CNOT10: variants seen among roughly 807,000 people sequenced by gnomAD.
The protein encoded by CNOT10 is CCR4-NOT transcription complex subunit 10.
Under a neutral mutation model 94.6 loss-of-function variants are expected in CNOT10, and 30 were observed. The observed-to-expected ratio is 0.32, with a 90% CI of 0.24 to 0.43. The LOEUF (loss-of-function observed/expected upper bound fraction) is 0.43, where lower values mean the gene tolerates loss of function less well. Among genes scored for constraint, CNOT10 ranks in the 20% least tolerant of loss-of-function variants. CNOT10 has a pLI of 1.00. For missense variants in CNOT10, 759 were observed against 877.2 expected (o/e 0.87, Z 1.70); for synonymous variants, 289 against 301.6 (o/e 0.96, Z 0.43).
At chr3:32,696,651 T>G (rs1352323044) in intron 1 of CNOT10, among the ~76,000 whole-genome samples, 1 of 152,076 alleles carries the variant, frequency 6.6e-6, no homozygotes, top group Non-Finnish European at 1.5e-5. Context: ...CAAGCTGGAG[T>G]GCAGTGGCAC....
At chr3:32,752,268 A>G (rs1390294064) in intron 13 of CNOT10, among the ~76,000 whole-genome samples, 1 of 152,120 alleles carries the variant, frequency 6.6e-6, no homozygotes, top group African/African-American at 2.4e-5. Context: ...CAGCCTGGGC[A>G]ACAAGAGCGA....
At chr3:32,746,439 A>G (rs964045150) in intron 13 of CNOT10, among the ~76,000 whole-genome samples, 26 of 152,216 alleles carry the variant, frequency 1.7e-4, no homozygotes, top group African/African-American at 6.0e-4. Context: ...CTACAACTAG[A>G]TGGTCCCATG....
At chr3:32,749,060 G>C (rs1378552066) in intron 13 of CNOT10, among the ~76,000 whole-genome samples, 1 of 152,114 alleles carries the variant, frequency 6.6e-6, no homozygotes, top group Non-Finnish European at 1.5e-5. Flanking sequence ...GACCTCAGGT[G>C]ATCCACCTGC....
Position 32,716,307 on chromosome 3 carries a change from A to G in CNOT10, c.656A>G (p.His219Arg), listed in dbSNP as rs1257108775. The G allele has an allele frequency of 6.5e-7, 1 of 1,543,300 alleles. No individual in the cohort carries two copies. Among genetic ancestry groups the G allele is most frequent in the East Asian group, 2.3e-5 (1 of 44,056 alleles). ...ATAGAAGCTGCAAAATCAAAGATAC[A>G]TCAGGTAGTATAAATTTTAAAGGGG... ...ALIEAAKSKI[H>R]QYKVRAYIQM... Residue 219 changes from histidine (H) to arginine (R), a missense_variant, in exon 6 of 19, where the codon CAT becomes CGT. His to Arg is a conservative substitution (Grantham distance 29). Around this residue, in one of 3 missense-constraint regions of CNOT10, gnomAD observed 682 missense variants for 799.4 expected, o/e 0.85. Transcript: ENST00000328834.
At chr3:32,716,452 T>C (rs1369935988) in intron 6 of CNOT10, 141 bp downstream of exon 6, 10 of 484,988 alleles carry the variant, frequency 2.1e-5, no homozygotes, top group Non-Finnish European at 2.2e-5. Flanking sequence ...TATTGTAGTT[T>C]AGAAGCACAT....
chr3:32,746,146 T>C (rs1559507160), intron 13 of CNOT10, among the ~76,000 whole-genome samples: 1 of 152,176 alleles, frequency 6.6e-6, no homozygotes. Context: ...AAAACTAATT[T>C]ATGTTGCTAG....
chr3:32,709,989 A>G (rs1301206306), intron 4 of CNOT10, among the ~76,000 whole-genome samples: 1 of 152,064 alleles, frequency 6.6e-6, no homozygotes, highest in East Asian at 1.9e-4. Context: ...TCTACTAAAA[A>G]TACAAAATTA....
At chr3:32,772,220 T>A (rs980260598) in intron 18 of CNOT10, among the ~76,000 whole-genome samples, 1 of 152,154 alleles carries the variant, frequency 6.6e-6, no homozygotes, top group African/African-American at 2.4e-5. Flanking sequence ...CGTGTTGGCA[T>A]ACAGTTGTAG....
chr3:32,686,272 C>A (rs2125481227), intron 1 of CNOT10, among the ~76,000 whole-genome samples: 1 of 152,278 alleles, frequency 6.6e-6, no homozygotes, highest in South Asian at 2.1e-4. Context: ...TTCTTTGTGG[C>A]ATCCAGGTTT....
rs776840765 is a variant in CNOT10 at position 32,764,797 on chromosome 3, G to A, written c.1992G>A (p.Lys664=). Reference sequence around the variant, plus strand: ...GGAGCGAATATGACAAAGCCCGAAAGTGTCTCCACCAGGTGAGTCCAGAGT... The same window carrying A: ...GGAGCGAATATGACAAAGCCCGAAAATGTCTCCACCAGGTGAGTCCAGAGT... ...CLRSEYDKAR[K]CLHQAASMIH... Residue 664 remains lysine (K), a synonymous_variant, in exon 17 of 19, where the codon AAG becomes AAA. Coordinates refer to ENST00000328834, the MANE Select transcript of CNOT10 (RefSeq NM_015442.3). The A allele has an allele frequency of 1.2e-6, 2 of 1,614,206 alleles. No individual in the cohort carries two copies. The highest frequency in any genetic ancestry group is 2.2e-5 in the East Asian group (1 of 44,888).
At chr3:32,733,361 C>T (rs1337848327) in intron 10 of CNOT10, 62 bp from the exon 11 acceptor site, 1 of 1,294,216 alleles carries the variant, frequency 7.7e-7, no homozygotes, top group South Asian at 1.5e-5. Flanking sequence ...GATATTCCCT[C>T]ATTTTTTATA....
At chr3:32,710,093 G>A (rs1158236059) in intron 4 of CNOT10, among the ~76,000 whole-genome samples, 3 of 140,672 alleles carry the variant, frequency 2.1e-5, no homozygotes, top group African/African-American at 8.0e-5. Context: ...GTTGCAGTGA[G>A]CCAAGATTGC....
intron 12 of CNOT10, among the ~76,000 whole-genome samples, chr3:32,735,212 G>A (rs773048170): frequency 6.6e-6 from 1 of 152,106 alleles, no homozygotes; most frequent in Non-Finnish European, 1.5e-5. Context: ...AGCTTTGGCC[G>A]GACGCAGTGG....
intron 13 of CNOT10, among the ~76,000 whole-genome samples, chr3:32,750,499 A>T (rs577115014): frequency 6.6e-6 from 1 of 152,172 alleles, no homozygotes; most frequent in Admixed American, 6.5e-5. Flanking sequence ...CTCAAAAACA[A>T]AAAAGAGTAA....
In CNOT10 at chr3:32,717,660, G is replaced by A. The variant is rs543141566; in HGVS notation, c.744+423G>A. Among the ~76,000 whole-genome samples, 442 of 152,222 alleles carry A rather than the reference G, an allele frequency of 2.9e-3. 5 individuals are homozygous for A. Among genetic ancestry groups the A allele is most frequent in the African/African-American group, 0.01 (424 of 41,530 alleles). ...GTGGGCGGATCACCTGAGGTCAGGA[G>A]TTCAAGACCAGCCTGGTCAACATGA... On this transcript the variant is annotated intron_variant, in intron 7 of 18. Transcript: ENST00000328834.
intron 1 of CNOT10, among the ~76,000 whole-genome samples, chr3:32,687,996 G>A (rs1176778145): frequency 6.6e-6 from 1 of 152,128 alleles, no homozygotes; most frequent in Non-Finnish European, 1.5e-5. Flanking sequence ...GGTCTTGTGT[G>A]TGTGTTCTTC....
rs1451308086 is a variant in CNOT10, at chr3:32,762,931, G to A, written c.1840+68G>A. ...TTTCCCTCCTGTCATAATTCAGGATGTGTGGAAATTTAGGCATGGTGGTAA... is the reference window on the plus strand; with the variant it reads ...TTTCCCTCCTGTCATAATTCAGGATATGTGGAAATTTAGGCATGGTGGTAA... On this transcript the variant is annotated intron_variant, in intron 15 of 18. Transcript: ENST00000328834. The A allele has an allele frequency of 6.3e-6, 9 of 1,431,884 alleles. No homozygotes were observed. In the African/African-American group the frequency reaches 8.9e-5, roughly 14 times the overall value. The allele number at this position is 1,431,884 out of a possible 1,614,324, so 88.7% of individuals were successfully genotyped here.
rs765844778 is a variant in CNOT10 at position 32,773,442 on chromosome 3, G to A, written c.2081-15G>A. 1.2e-5 allele frequency: 19 copies of A among 1,601,338 alleles called. No individual in the cohort carries two copies. Among genetic ancestry groups the A allele is most frequent in the Non-Finnish European group, 1.5e-5 (18 of 1,173,804 alleles). On this transcript the variant is annotated splice_polypyrimidine_tract_variant and intron_variant, in intron 18 of 18. Transcript: ENST00000328834. ...TGTTCTGTGCTTTGTTTTTTAACGGGAAGTGTTTTTATAGGTAATACTCAG... is the reference window on the plus strand; with the variant it reads ...TGTTCTGTGCTTTGTTTTTTAACGGAAAGTGTTTTTATAGGTAATACTCAG...
At chr3:32,739,868 T>A (rs1426813863) in intron 13 of CNOT10, among the ~76,000 whole-genome samples, 1 of 151,936 alleles carries the variant, frequency 6.6e-6, no homozygotes, top group Non-Finnish European at 1.5e-5. Context: ...GAAGTTGCAG[T>A]AAGCCAAGAC....
Sources: allele counts gnomAD v4.1 joint callset (sites outside exome capture counted in the v4.1 genomes callset), GRCh38; gene constraint gnomAD v4.1.1; regional missense constraint gnomAD v4.1.1; transcripts MANE v1.5; gene names NCBI Gene and HGNC (gene_info 2026-07-23, HGNC 2026-07-21).